Variants in ETS1 observed in about 807,000 individuals in gnomAD.
ETS1 encodes ETS proto-oncogene 1, transcription factor, also known as protein C-ets-1.
A neutral mutation model predicts 58.6 loss-of-function variants in ETS1; 15 were observed. The observed-to-expected ratio is 0.26, with a 90% CI of 0.17 to 0.39. The LOEUF (loss-of-function observed/expected upper bound fraction) is 0.39, where lower values mean the gene tolerates loss of function less well. Among genes scored for constraint, ETS1 ranks in the 10% least tolerant of loss-of-function variants. The probability of loss-of-function intolerance (pLI) is 1.00; values close to 1 mark genes in which losing one functional copy is unlikely to be tolerated. For synonymous variants in ETS1, 214 were observed against 218.2 expected, an observed-to-expected ratio of 0.98 and a Z score of 0.17; for missense variants, 417 against 610.5, an observed-to-expected ratio of 0.68 and a Z score of 3.34.
At chr11:128,476,834 G>T (rs1219652850) in intron 8 of ETS1, among the ~76,000 whole-genome samples, 2 of 152,340 alleles carry the variant, frequency 1.3e-5, no homozygotes, top group Admixed American at 6.5e-5. Flanking sequence ...AGGTAAGAAG[G>T]TACATTTTGG....
rs190826218 is a variant in ETS1 at position 128,547,477 on chromosome 11, A to G, written c.214+8814T>C. ...GTCAAGATTGATGTTTTAAAAATGT[A>G]TGAGGTATGTAAGATAGCCAGTAAA... is the stretch of plus-strand genomic sequence containing the variant. On this transcript the variant is annotated intron_variant, in intron 3 of 9. Coordinates refer to ENST00000392668, the MANE Select transcript of ETS1 (RefSeq NM_001143820.2). Among the ~76,000 whole-genome samples, 436 of 152,324 alleles carry G rather than the reference A, an allele frequency of 2.9e-3. 2 individuals carry two copies. Among genetic ancestry groups the G allele is most frequent in the African/African-American group, 9.6e-3 (397 of 41,566 alleles).
At chr11:128,562,782 C>A (rs1864424794) in intron 2 of ETS1, among the ~76,000 whole-genome samples, 1 of 152,168 alleles carries the variant, frequency 6.6e-6, no homozygotes, top group African/African-American at 2.4e-5. Flanking sequence ...CCTTCCCTAG[C>A]ACCACTTCCC....
At position 128,533,437 on chromosome 11, in the gene ETS1, A is replaced by G. The variant is rs1028854523; in HGVS notation, c.214+22854T>C. Among the ~76,000 whole-genome samples, 3 of 152,190 alleles carry G rather than the reference A, an allele frequency of 2.0e-5. No homozygotes were observed. The East Asian group carries it at 5.8e-4, about 29-fold the overall frequency. On this transcript the variant is annotated intron_variant, in intron 3 of 9. Coordinates refer to ENST00000392668, the MANE Select transcript of ETS1 (RefSeq NM_001143820.2). ...CCTTAGATACTCCTCACCGCCAAAC[A>G]GATAAAATCCAAGCACAGTCCAAAA...
intron 8 of ETS1, among the ~76,000 whole-genome samples, chr11:128,476,761 C>T (rs180811666): frequency 2.6e-4 from 40 of 152,296 alleles, no homozygotes; most frequent in African/African-American, 7.9e-4. Flanking sequence ...AATGTATCTT[C>T]GAACAAAAGA....
Position 128,556,333 on chromosome 11 carries a change from C to A in ETS1, c.172G>T (p.Ala58Ser). Residue 58 changes from alanine (A) to serine (S), a missense_variant, in exon 3 of 10, where the codon GCA (alanine) becomes TCA (serine). Transcript: ENST00000392668. ...RPCYPFWDEM[A>S]TQEVPTGLEH... ...AGACCAGTAGGAACTTCCTGAGTTGCCATCTCATCCCAAAAGGGGTAGCAA... is the reference window on the plus strand; with the variant it reads ...AGACCAGTAGGAACTTCCTGAGTTGACATCTCATCCCAAAAGGGGTAGCAA... The A allele has an allele frequency of 6.2e-7, 1 of 1,613,546 alleles. No individual in the cohort carries two copies. Among genetic ancestry groups the A allele is most frequent in the Non-Finnish European group, 8.5e-7 (1 of 1,179,624 alleles).
chr11:128,526,709 G>C, intron 3 of ETS1: 1 of 331,402 alleles, frequency 3.0e-6, no homozygotes, highest in South Asian at 2.3e-5. Context: ...TACCTGATTG[G>C]AGAAGAGAAC....
At chr11:128,476,618 G>A (rs185684660) in intron 8 of ETS1, among the ~76,000 whole-genome samples, 2 of 152,336 alleles carry the variant, frequency 1.3e-5, no homozygotes, top group African/African-American at 4.8e-5. Flanking sequence ...CTACTGAAAT[G>A]GAGAAGCAAG....
intron 8 of ETS1, among the ~76,000 whole-genome samples, chr11:128,469,532 C>G (rs892075472): frequency 6.6e-6 from 1 of 152,200 alleles, no homozygotes; most frequent in African/African-American, 2.4e-5. Context: ...CCAAGCATCA[C>G]CCCTTTCTGT....
chr11:128,570,255 A>C (rs1238155810), intron 2 of ETS1, among the ~76,000 whole-genome samples: 1 of 69,194 alleles, frequency 1.4e-5, no homozygotes, highest in Non-Finnish European at 3.7e-5. Flanking sequence ...TTTTTTTTTT[A>C]GATGGAGTCT....
intron 7 of ETS1, among the ~76,000 whole-genome samples, chr11:128,481,307 C>T (rs1487134041): frequency 6.6e-6 from 1 of 151,824 alleles, no homozygotes; most frequent in Non-Finnish European, 1.5e-5. Context: ...CTTAACTGAC[C>T]ACAAGATCAT....
chr11:128,576,610 C>T (rs541883366), intron 1 of ETS1, among the ~76,000 whole-genome samples: 1 of 152,094 alleles, frequency 6.6e-6, no homozygotes, highest in African/African-American at 2.4e-5. Context: ...AAAGGACCTG[C>T]GCCACCTGAG....
At chr11:128,581,837 C>A (rs937907034) in intron 1 of ETS1, among the ~76,000 whole-genome samples, 2 of 152,080 alleles carry the variant, frequency 1.3e-5, no homozygotes, top group Non-Finnish European at 2.9e-5. Flanking sequence ...GAATTCTCAA[C>A]AAAACTGAGA....
intron 3 of ETS1, among the ~76,000 whole-genome samples, chr11:128,509,459 C>A (rs1863331292): frequency 1.3e-5 from 2 of 151,980 alleles, no homozygotes; most frequent in African/African-American, 2.4e-5. Context: ...GGCCAAAGCA[C>A]CAATTCTGTA....
At chr11:128,530,448 T>C (rs1343705142) in intron 3 of ETS1, 1 of 152,220 alleles carries the variant, frequency 6.6e-6, no homozygotes. Flanking sequence ...TGAAACACTT[T>C]CAAGAGTCCA....
At chr11:128,560,996 T>TA (rs1426348059) in intron 2 of ETS1, among the ~76,000 whole-genome samples, 2 of 151,650 alleles carry the variant, frequency 1.3e-5, no homozygotes, top group South Asian at 2.1e-4. Context: ...CATCCAAAGG[T>TA]AAAAAAGAAC....
At chr11:128,533,457 C>G (rs759998756) in intron 3 of ETS1, among the ~76,000 whole-genome samples, 2 of 152,176 alleles carry the variant, frequency 1.3e-5, no homozygotes, top group Non-Finnish European at 2.9e-5. Context: ...CAAGCACAGT[C>G]CAAAAGGCCA....
chr11:128,511,096 T>G (rs941176946), intron 3 of ETS1, among the ~76,000 whole-genome samples: 1 of 152,178 alleles, frequency 6.6e-6, no homozygotes, highest in African/African-American at 2.4e-5. Flanking sequence ...GGTACAGTTC[T>G]TTTCCACAAC....
At chr11:128,522,033 T>G in intron 3 of ETS1, 1 of 1,552,532 alleles carries the variant, frequency 6.4e-7, no homozygotes, top group African/African-American at 1.4e-5. Flanking sequence ...GGTAGCAAGT[T>G]TGCAGTTACT....
intron 3 of ETS1, among the ~76,000 whole-genome samples, chr11:128,553,310 A>G (rs1323616206): frequency 6.6e-6 from 1 of 152,186 alleles, no homozygotes; most frequent in Non-Finnish European, 1.5e-5. Flanking sequence ...TGCACAGGCA[A>G]TTGCATGCAA....
Sources: allele counts gnomAD v4.1 joint callset (sites outside exome capture counted in the v4.1 genomes callset), GRCh38; gene constraint gnomAD v4.1.1; transcripts MANE v1.5; gene names NCBI Gene and HGNC (gene_info 2026-07-23, HGNC 2026-07-21).